KLHL40: variants seen among roughly 807,000 people sequenced by gnomAD.
KLHL40 encodes the protein kelch like family member 40.
A neutral mutation model predicts 49.7 loss-of-function variants in KLHL40; 44 were observed. The ratio of observed to expected loss-of-function variants is 0.89; its 90% CI spans 0.70 to 1.14. The LOEUF is 1.14. Ranked by LOEUF, KLHL40 falls within the 50% of genes most tolerant of loss-of-function variation. The pLI, the probability that KLHL40 is intolerant of heterozygous loss-of-function variation, is 0.00. For synonymous variants in KLHL40, 409 were observed against 365.2 expected (o/e 1.12, Z -1.37); for missense variants, 892 against 850.3 (o/e 1.05, Z -0.61).
intron 4 of KLHL40, among the ~76,000 whole-genome samples, chr3:42,689,697 G>A (rs1171988712): frequency 3.9e-5 from 6 of 152,132 alleles, no homozygotes; most frequent in African/African-American, 7.2e-5. Flanking sequence ...GGTGATAAAG[G>A]CCTGGAGCTG....
chr3:42,689,097 T>C, intron 4 of KLHL40, 43 bp downstream of exon 4: 4 of 1,554,598 alleles, frequency 2.6e-6, no homozygotes, highest in Non-Finnish European at 3.5e-6. Context: ...CTGCATGGCT[T>C]TGGGCTTCTG....
At position 42,686,175 on chromosome 3, in the gene KLHL40, T is replaced by A. The variant is rs777496833; in HGVS notation, c.557T>A (p.Leu186His). Reference protein sequence around the residue: ...ELIAIISSDGLNVEKEEAVFE... With the variant: ...ELIAIISSDGHNVEKEEAVFE... ...ATCGCCATCATCTCCAGCGACGGCC[T>A]TAACGTGGAGAAGGAGGAGGCAGTG... Residue 186 changes from leucine to histidine, a missense_variant, in exon 1 of 6, where the codon CTT becomes CAT. Leu to His is a moderately conservative substitution (Grantham distance 99). Coordinates refer to ENST00000287777, the MANE Select transcript of KLHL40 (RefSeq NM_152393.4). The A allele has an allele frequency of 5.9e-5, 94 of 1,587,912 alleles. No individual in the cohort carries two copies. Among genetic ancestry groups the A allele is most frequent in the Non-Finnish European group, 7.9e-5 (92 of 1,171,846 alleles).
chr3:42,691,741 T>C (rs1697373066), intron 5 of KLHL40, 141 bp from the exon 6 acceptor site: 1 of 634,400 alleles, frequency 1.6e-6, no homozygotes, highest in Middle Eastern at 3.3e-4. Flanking sequence ...GGGGTCTCCT[T>C]TCCCAGAGCC....
At position 42,688,189 on chromosome 3, in the gene KLHL40, G is replaced by A. The variant is rs759134022; in HGVS notation, c.1200G>A (p.Ser400=). ...GGCTGGGGATGCCACCGCTGCCCTC[G>A]CCCCGCTGCCTCTTTGGCCTGGGAG... ...SEWLGMPPLP[S]PRCLFGLGEA... Residue 400 remains serine, a synonymous_variant, in exon 2 of 6, where the codon TCG becomes TCA. Coordinates refer to ENST00000287777, the MANE Select transcript of KLHL40 (RefSeq NM_152393.4). The surrounding 1 kb of genome is among the most constrained non-coding windows in gnomAD (Gnocchi z 4.2). The A allele has an allele frequency of 3.1e-5, 50 of 1,613,690 alleles. No individual in the cohort carries two copies. In the Admixed American group the frequency reaches 4.3e-4, roughly 14 times the overall value.
At chr3:42,691,394 T>C (rs1327689853) in intron 5 of KLHL40, among the ~76,000 whole-genome samples, 1 of 152,104 alleles carries the variant, frequency 6.6e-6, no homozygotes, top group Non-Finnish European at 1.5e-5. Flanking sequence ...AGCCCTGGCC[T>C]TTCAGAACCA....
In KLHL40 at chr3:42,690,890, C is replaced by A. The variant is rs187688307; in HGVS notation, c.1639C>A (p.Arg547Ser). 26 of 1,612,894 alleles carry A rather than the reference C, an allele frequency of 1.6e-5. No individual in the cohort carries two copies. Among genetic ancestry groups the A allele is most frequent in the Non-Finnish European group, 2.0e-5 (24 of 1,179,470 alleles). The stretch of plus-strand genomic sequence containing the variant: ...ACCCTTCGAGGCCTTCCCACAGGAG[C>A]GTAGCTCACTCAGCCTGGTCAGCCT... ...WAPFEAFPQE[R>S]SSLSLVSLVG... The change falls in exon 5 of 6, where the codon CGT becomes AGT. Residue 547 changes from arginine (R) to serine (S), a missense_variant. Transcript: ENST00000287777.
At position 42,686,619 on chromosome 3, in the gene KLHL40, C is replaced by G; in HGVS notation, c.1001C>G (p.Ala334Gly). The G allele has an allele frequency of 1.2e-6, 2 of 1,614,118 alleles. No homozygotes were observed. The highest frequency in any genetic ancestry group is 1.7e-6 in the Non-Finnish European group (2 of 1,180,038). ...SEEGAVAYDP[A>G]ANECYCASLS... The stretch of plus-strand genomic sequence containing the variant: ...GAGGGCGCTGTGGCCTACGATCCAG[C>G]AGCCAACGAGTGCTACTGTGCTTCC... The change falls in exon 1 of 6, where the codon GCA becomes GGA. Residue 334 changes from alanine (A) to glycine (G), a missense_variant. Coordinates refer to ENST00000287777, the MANE Select transcript of KLHL40 (RefSeq NM_152393.4).
At chr3:42,689,766 T>C (rs1697331983) in intron 4 of KLHL40, among the ~76,000 whole-genome samples, 1 of 152,066 alleles carries the variant, frequency 6.6e-6, no homozygotes, top group African/African-American at 2.4e-5. Flanking sequence ...CCAGGGCTTC[T>C]TACACTGTGA....
Position 42,692,223 on chromosome 3 carries a change from T to C in KLHL40, c.*230T>C. 2 of 536,314 alleles carry C rather than the reference T, an allele frequency of 3.7e-6. No homozygotes were observed. The highest frequency in any genetic ancestry group is 6.7e-6 in the Non-Finnish European group (2 of 298,736). The allele number at this position is 536,314 out of a possible 1,614,324, so 33.2% of individuals were successfully genotyped here. Reference sequence around the variant, plus strand: ...TCCAGTGTTGCCATATCCCCCTAGGTTGTCTTGATCCATGAACCAGAACCA... The same window carrying C: ...TCCAGTGTTGCCATATCCCCCTAGGCTGTCTTGATCCATGAACCAGAACCA... On this transcript the variant is annotated 3_prime_UTR_variant, in exon 6 of 6. Transcript: ENST00000287777.
intron 5 of KLHL40, 46 bp from the exon 6 acceptor site, chr3:42,691,835 AG>A (rs772034967): frequency 7.9e-7 from 1 of 1,261,376 alleles, no homozygotes; most frequent in Non-Finnish European, 1.2e-6. Context: ...CTCTGGACTC[AG>A]CTGACCAAGC....
rs753296803 is a variant in KLHL40 at position 42,685,795 on chromosome 3, G to A, written c.177G>A (p.Arg59=). ...TGGCCGCCTGCAGCCCCTACTTCCG[G>A]GCGCGCTTTCTAGCCGAGCCGGAGC... ...LVLAACSPYF[R]ARFLAEPERA... is the part of the protein sequence containing the mutation. Residue 59 remains arginine, a synonymous_variant, in exon 1 of 6, where the codon CGG becomes CGA. Transcript: ENST00000287777. 14 of 1,612,274 alleles carry A rather than the reference G, an allele frequency of 8.7e-6. No individual in the cohort carries two copies. The highest frequency in any genetic ancestry group is 2.2e-5 in the East Asian group (1 of 44,844).
At chr3:42,689,919 T>G (rs546290087) in intron 4 of KLHL40, among the ~76,000 whole-genome samples, 1 of 151,884 alleles carries the variant, frequency 6.6e-6, no homozygotes, top group Non-Finnish European at 1.5e-5. Flanking sequence ...ACACTTTGAG[T>G]AGCAAGAGTC....
At chr3:42,691,101 T>TG in intron 5 of KLHL40, 96 bp downstream of exon 5, 1 of 1,302,030 alleles carries the variant, frequency 7.7e-7, no homozygotes, top group Non-Finnish European at 1.0e-6. Flanking sequence ...CAAGCTCCTC[T>TG]GGGGGCAAAG....
chr3:42,688,135 C>A lies in KLHL40; in HGVS notation c.1153-7C>A, dbSNP rs773932233. 3 of 1,613,730 alleles carry A rather than the reference C, an allele frequency of 1.9e-6. No individual in the cohort carries two copies. Among genetic ancestry groups the A allele is most frequent in the Non-Finnish European group, 2.5e-6 (3 of 1,179,944 alleles). ...GGGCGGTAGCTGACTGGACACCTGG[C>A]CTGCAGTTTGACCATCTGGACTCAG... is the stretch of plus-strand genomic sequence containing the variant. On this transcript the variant is annotated splice_polypyrimidine_tract_variant and splice_region_variant and intron_variant, in intron 1 of 5. Transcript: ENST00000287777. This position sits in a 1 kb window ranked among gnomAD's most constrained non-coding sequence, Gnocchi z 4.2.
In KLHL40 at chr3:42,689,069, C is replaced by A; in HGVS notation, c.1607+15C>A. 1 of 1,597,602 alleles carries A rather than the reference C, an allele frequency of 6.3e-7. No individual in the cohort carries two copies. Among genetic ancestry groups the A allele is most frequent in the South Asian group, 1.1e-5 (1 of 89,596 alleles). On this transcript the variant is annotated intron_variant, in intron 4 of 5. Coordinates refer to ENST00000287777, the MANE Select transcript of KLHL40 (RefSeq NM_152393.4). ...ACAGACAACAAGTATGAAAGCTTGTCCCTTCCGCCAAGGACAACTGCATGG... is the reference window on the plus strand; with the variant it reads ...ACAGACAACAAGTATGAAAGCTTGTACCTTCCGCCAAGGACAACTGCATGG...
At chr3:42,687,767 C>A (rs564144099) in intron 1 of KLHL40, among the ~76,000 whole-genome samples, 6 of 152,122 alleles carry the variant, frequency 3.9e-5, no homozygotes, top group Middle Eastern at 6.8e-3. Flanking sequence ...AAGGCAGGGC[C>A]GTATTTGGAA....
In KLHL40 at chr3:42,691,957, A is replaced by C. The variant is rs773192487; in HGVS notation, c.1830A>C (p.Pro610=). 9.9e-6 allele frequency: 16 copies of C among 1,613,384 alleles called. No individual in the cohort carries two copies. Among genetic ancestry groups the C allele is most frequent in the Non-Finnish European group, 1.2e-5 (14 of 1,179,320 alleles). ...IAYAAGATFL[P]VRLNVLCLTK... is the part of the protein sequence containing the mutation. Reference sequence around the variant, plus strand: ...ATGCAGCAGGTGCCACCTTCCTACCAGTGCGGCTCAATGTGCTGTGCCTGA... The same window carrying C: ...ATGCAGCAGGTGCCACCTTCCTACCCGTGCGGCTCAATGTGCTGTGCCTGA... Residue 610 remains proline (P), a synonymous_variant, in exon 6 of 6, where the codon CCA becomes CCC. Transcript: ENST00000287777.
In KLHL40 at chr3:42,685,654, G is replaced by A. The variant is rs370901706; in HGVS notation, c.36G>A (p.Arg12=). The A allele has an allele frequency of 6.2e-7, 1 of 1,610,192 alleles. No individual in the cohort carries two copies. Among genetic ancestry groups the A allele is most frequent in the South Asian group, 1.1e-5 (1 of 90,612 alleles). The stretch of plus-strand genomic sequence containing the variant: ...GCTTGGAGCAGGCGGAGGAGCAGCG[G>A]TTGTACCAGCAGACGCTCCTGCAAG... The part of the protein sequence containing the change: ...ALGLEQAEEQ[R]LYQQTLLQDG... The change falls in exon 1 of 6, where the codon CGG becomes CGA. Residue 12 remains arginine (R), a synonymous_variant. Transcript: ENST00000287777.
At position 42,692,236 on chromosome 3, in the gene KLHL40, T is replaced by C. The variant is rs956462601; in HGVS notation, c.*243T>C. 7.6e-6 allele frequency: 4 copies of C among 527,434 alleles called. No individual in the cohort carries two copies. The highest frequency in any genetic ancestry group is 1.4e-5 in the Non-Finnish European group (4 of 293,312). 32.7% of individuals were successfully genotyped at this position (527,434 alleles called of 1,614,324 possible). A position where few individuals can be genotyped will look rare whatever the true frequency, so the allele number is the denominator to read the frequency against. ...TATCCCCCTAGGTTGTCTTGATCCA[T>C]GAACCAGAACCACAGGGCGGTATCC... On this transcript the variant is annotated 3_prime_UTR_variant, in exon 6 of 6. Coordinates refer to ENST00000287777, the MANE Select transcript of KLHL40 (RefSeq NM_152393.4).
Sources: gnomAD v4.1 joint callset for allele counts (sites outside exome capture counted in the v4.1 genomes callset) on GRCh38, gnomAD v4.1.1 for gene constraint, Gnocchi (gnomAD v3.1) non-coding constraint, MANE v1.5 for transcripts, NCBI Gene and HGNC (gene_info 2026-07-23, HGNC 2026-07-21) for gene names.